UVRAG: variants seen among roughly 807,000 people sequenced by gnomAD.
UVRAG encodes the protein UV radiation resistance-associated gene protein.
UVRAG carries 19 observed loss-of-function variants against 78.0 expected under a neutral mutation model. That is an observed-to-expected ratio of 0.24 (90% CI 0.17 to 0.36). The LOEUF (loss-of-function observed/expected upper bound fraction) is 0.36. Ranked by LOEUF, UVRAG falls within the 10% of genes least tolerant of loss-of-function variation. The pLI, the probability that UVRAG is intolerant of heterozygous loss-of-function variation, is 1.00. For missense variants in UVRAG, 740 were observed against 853.8 expected, an observed-to-expected ratio of 0.87 and a Z score of 1.66; for synonymous variants, 323 against 324.6, an observed-to-expected ratio of 1.00 and a Z score of 0.05.
intron 14 of UVRAG, among the ~76,000 whole-genome samples, chr11:76,138,586 C>T (rs73500015): frequency 0.02 from 3,119 of 152,352 alleles, 109 homozygotes; most frequent in African/African-American, 0.071. Flanking sequence ...GCCTGTTTCT[C>T]ATGCCCTGCC....
chr11:75,961,902 C>T (rs1015000376), intron 7 of UVRAG, among the ~76,000 whole-genome samples: 2 of 151,868 alleles, frequency 1.3e-5, no homozygotes, highest in South Asian at 2.1e-4. Context: ...TTTTGAAAGA[C>T]GAATTTAAAA....
intron 6 of UVRAG, among the ~76,000 whole-genome samples, chr11:75,928,939 C>CAAAAAAAAAAAAAAAAAAAAAAAAAA (rs368913080): frequency 1.5e-5 from 1 of 67,494 alleles, no homozygotes; most frequent in African/African-American, 7.8e-5. Context: ...GAGACTGTCT[C>CAAAAAAAAAAAAAAAAAAAAAAAAAA]AAAAAAAAAA....
intron 13 of UVRAG, among the ~76,000 whole-genome samples, chr11:76,100,984 C>T (rs1701507808): frequency 6.6e-6 from 1 of 152,024 alleles, no homozygotes; most frequent in African/African-American, 2.4e-5. Context: ...GTATATGTAC[C>T]ACATTTTCTT....
chr11:75,933,056 C>A (rs1192209290), intron 6 of UVRAG, among the ~76,000 whole-genome samples: 2 of 152,134 alleles, frequency 1.3e-5, no homozygotes, highest in Non-Finnish European at 2.9e-5. Flanking sequence ...CCAAAGCTAT[C>A]CTGAGCAAAA....
At chr11:76,139,407 AG>A (rs1402847322) in intron 14 of UVRAG, among the ~76,000 whole-genome samples, 2 of 152,178 alleles carry the variant, frequency 1.3e-5, no homozygotes, top group Non-Finnish European at 2.9e-5. Context: ...CCTTGGAGGA[AG>A]GGCCTACTGG....
intron 4 of UVRAG, among the ~76,000 whole-genome samples, chr11:75,887,052 G>A (rs1947094652): frequency 6.6e-6 from 1 of 150,708 alleles, no homozygotes; most frequent in South Asian, 2.1e-4. Context: ...TGCAAGCTCC[G>A]CCTCCCGGGT....
chr11:75,824,736 C>G (rs1006629271), intron 1 of UVRAG, among the ~76,000 whole-genome samples: 1 of 145,616 alleles, frequency 6.9e-6, no homozygotes, highest in Non-Finnish European at 1.5e-5. Context: ...TGCAGTGGCA[C>G]GATCTCGGCT....
At chr11:76,054,116 C>T (rs907048255) in intron 12 of UVRAG, among the ~76,000 whole-genome samples, 3 of 152,120 alleles carry the variant, frequency 2.0e-5, no homozygotes, top group Admixed American at 2.0e-4. Context: ...CCCTCACACT[C>T]TTTTTTTAAC....
intron 7 of UVRAG, among the ~76,000 whole-genome samples, chr11:75,967,521 G>A (rs891815626): frequency 6.6e-6 from 1 of 152,008 alleles, no homozygotes; most frequent in Admixed American, 6.6e-5. Flanking sequence ...TCAATTTGGG[G>A]GGAAGAATTA....
chr11:75,848,397 A>C (rs945165716), intron 1 of UVRAG, among the ~76,000 whole-genome samples: 2 of 152,162 alleles, frequency 1.3e-5, no homozygotes, highest in Non-Finnish European at 2.9e-5. Context: ...GTTTTTTGTA[A>C]ACCTTTTTAT....
chr11:76,036,363 C>G (rs1950534380), intron 12 of UVRAG, among the ~76,000 whole-genome samples: 1 of 151,542 alleles, frequency 6.6e-6, no homozygotes, highest in South Asian at 2.1e-4. Flanking sequence ...TCAGCCTAGG[C>G]AACATACTGA....
chr11:76,021,768 C>G (rs369185341), intron 12 of UVRAG, among the ~76,000 whole-genome samples: 2 of 152,150 alleles, frequency 1.3e-5, no homozygotes, highest in South Asian at 2.1e-4. Flanking sequence ...TGAGAGCATT[C>G]TTTGGCTGGG....
chr11:76,111,550 G>A (rs79912652), intron 13 of UVRAG, among the ~76,000 whole-genome samples: 15,692 of 152,186 alleles, frequency 0.1, 1,892 homozygotes, highest in African/African-American at 0.3. Context: ...GAAGGAAGGT[G>A]CCTTACCAAA....
intron 9 of UVRAG, among the ~76,000 whole-genome samples, chr11:76,006,660 CAAAAAAAAA>C (rs762221601): frequency 4.8e-5 from 3 of 62,368 alleles, no homozygotes; most frequent in South Asian, 9.7e-4. Flanking sequence ...GACCCCGTCT[CAAAAAAAAA>C]AAAAAAAAAA....
intron 12 of UVRAG, among the ~76,000 whole-genome samples, chr11:76,055,717 C>CTT (rs879634726): frequency 6.7e-6 from 1 of 148,154 alleles, no homozygotes; most frequent in African/African-American, 2.5e-5. Flanking sequence ...ATATACAAAC[C>CTT]TTTTTTTTTT....
At position 76,141,469 on chromosome 11, in the gene UVRAG, A is replaced by G; in HGVS notation, c.*56A>G. ...GAAGCTCTGCCTAAAATGAAGTGAA[A>G]GCTGCACTTAACCCTTTGTGATAAT... On this transcript the variant is annotated 3_prime_UTR_variant, in exon 15 of 15. Coordinates refer to ENST00000356136, the MANE Select transcript of UVRAG (RefSeq NM_003369.4). 1 of 1,490,890 alleles carries G rather than the reference A, an allele frequency of 6.7e-7. No homozygotes were observed. The highest frequency in any genetic ancestry group is 1.2e-5 in the South Asian group (1 of 82,438). The allele number at this position is 1,490,890 out of a possible 1,614,324, so 92.4% of individuals were successfully genotyped here.
chr11:76,048,376 G>C (rs77375660), intron 12 of UVRAG, among the ~76,000 whole-genome samples: 3,628 of 152,250 alleles, frequency 0.024, 144 homozygotes, highest in African/African-American at 0.081. Context: ...CAAATATGAG[G>C]CTATAAAATA....
At chr11:76,015,432 C>T (rs1287446263) in intron 11 of UVRAG, among the ~76,000 whole-genome samples, 1 of 152,054 alleles carries the variant, frequency 6.6e-6, no homozygotes, top group African/African-American at 2.4e-5. Flanking sequence ...TCAAGCCAAC[C>T]TGTTTACTAG....
intron 14 of UVRAG, among the ~76,000 whole-genome samples, chr11:76,134,939 G>A (rs1289422547): frequency 6.6e-6 from 1 of 152,162 alleles, no homozygotes; most frequent in East Asian, 1.9e-4. Context: ...TGGAGGGTGA[G>A]CGAGCATTAC....
Sources: gnomAD v4.1 joint callset for allele counts (sites outside exome capture counted in the v4.1 genomes callset) on GRCh38, gnomAD v4.1.1 for gene constraint, MANE v1.5 for transcripts, NCBI Gene and HGNC (gene_info 2026-07-23, HGNC 2026-07-21) for gene names.